ZNF391: variants seen among roughly 807,000 people sequenced by gnomAD.
ZNF391 encodes the protein zinc finger protein 391.
For synonymous variants in ZNF391, 126 were observed against 142.1 expected (o/e 0.89, Z 0.80); for missense variants, 375 against 425.5 (o/e 0.88, Z 1.04).
intron 1 of ZNF391, among the ~76,000 whole-genome samples, chr6:27,379,056 T>G (rs1182511112): frequency 1.3e-5 from 2 of 152,242 alleles, no homozygotes; most frequent in African/African-American, 2.4e-5. Flanking sequence ...ATTTTGCAAA[T>G]GAAAACCAGC....
chr6:27,378,164 A>G (rs1346201337), intron 1 of ZNF391, among the ~76,000 whole-genome samples: 1 of 152,170 alleles, frequency 6.6e-6, no homozygotes, highest in Non-Finnish European at 1.5e-5. Flanking sequence ...GTTTTAACGA[A>G]TATATGTTCC....
intron 1 of ZNF391, chr6:27,395,233 G>A (rs1410183591): frequency 6.6e-6 from 1 of 152,166 alleles, no homozygotes; most frequent in African/African-American, 2.4e-5. Context: ...ATGTTGAATT[G>A]TAATCACCAA....
At chr6:27,380,460 C>T (rs1761481155) in intron 1 of ZNF391, among the ~76,000 whole-genome samples, 2 of 152,160 alleles carry the variant, frequency 1.3e-5, no homozygotes, top group Admixed American at 6.5e-5. Flanking sequence ...TGCAGACCTT[C>T]GCGGTGAGTT....
intron 1 of ZNF391, among the ~76,000 whole-genome samples, chr6:27,394,755 G>C (rs777044063): frequency 3.9e-5 from 6 of 152,212 alleles, no homozygotes; most frequent in Non-Finnish European, 8.8e-5. Flanking sequence ...GAGCAGCATG[G>C]GGCTGAACTC....
chr6:27,392,342 A>G (rs1037176046), intron 1 of ZNF391, among the ~76,000 whole-genome samples: 4 of 151,958 alleles, frequency 2.6e-5, no homozygotes, highest in East Asian at 1.9e-4. Flanking sequence ...TGCAACCTCT[A>G]CCTCCCAGGT....
At position 27,401,512 on chromosome 6, in the gene ZNF391, A is replaced by G. The variant is rs917435752; in HGVS notation, c.*65A>G. 6 of 1,228,462 alleles carry G rather than the reference A, an allele frequency of 4.9e-6. No individual in the cohort carries two copies. Among genetic ancestry groups the G allele is most frequent in the Non-Finnish European group, 5.6e-6 (5 of 886,540 alleles). 76.1% of individuals were successfully genotyped at this position (1,228,462 alleles called of 1,614,324 possible). A position where few individuals can be genotyped will look rare whatever the true frequency, so the allele number is the denominator to read the frequency against. ...ACCTAACCTCCCACCACTGAAATAT[A>G]TATATTTCAAGTATATATATACTTG... On this transcript the variant is annotated 3_prime_UTR_variant, in exon 3 of 3. Coordinates refer to ENST00000244576, the MANE Select transcript of ZNF391 (RefSeq NM_001076781.3).
chr6:27,379,953 T>A (rs765770551), intron 1 of ZNF391, among the ~76,000 whole-genome samples: 7 of 152,116 alleles, frequency 4.6e-5, no homozygotes, highest in Non-Finnish European at 1.0e-4. Flanking sequence ...CTGAGAAAGG[T>A]GTGAAGTTCC....
In ZNF391 at chr6:27,401,379, G is replaced by C. The variant is rs1186592163; in HGVS notation, c.1009G>C (p.Asp337His). The change falls in exon 3 of 3, where the codon GAC (aspartate) becomes CAC (histidine). Residue 337 changes from aspartate to histidine, a missense_variant. By Grantham distance (81) the Asp-to-His change is moderately conservative. Transcript: ENST00000244576. ...CGGGGAGAAGCCGTACAAATGTAAT[G>C]ACTGTGGAAAAGCCTTCTGTCAGAG... Reference protein sequence around the residue: ...HTGEKPYKCNDCGKAFCQSST... With the variant: ...HTGEKPYKCNHCGKAFCQSST... 6.2e-6 allele frequency: 10 copies of C among 1,613,614 alleles called. No individual in the cohort carries two copies. The highest frequency in any genetic ancestry group is 1.6e-4 in the Middle Eastern group (1 of 6,076).
chr6:27,380,039 AC>A (rs1761473774), intron 1 of ZNF391, among the ~76,000 whole-genome samples: 3 of 152,218 alleles, frequency 2.0e-5, no homozygotes, highest in Admixed American at 2.0e-4. Flanking sequence ...CTTCCCCTAT[AC>A]CTTGATACCA....
At chr6:27,395,024 G>C (rs1192805754) in intron 1 of ZNF391, 1 of 152,122 alleles carries the variant, frequency 6.6e-6, no homozygotes, top group Admixed American at 6.5e-5. Flanking sequence ...CAGGTTCATA[G>C]GTGGAAGAAA....
At chr6:27,378,430 A>T (rs1251204950) in intron 1 of ZNF391, among the ~76,000 whole-genome samples, 2 of 148,820 alleles carry the variant, frequency 1.3e-5, no homozygotes, top group Non-Finnish European at 1.5e-5. Context: ...TCAAAGGGGG[A>T]TTGTTCTCTG....
chr6:27,387,077 A>G (rs1761594916), upstream of ZNF391, among the ~76,000 whole-genome samples: 1 of 152,192 alleles, frequency 6.6e-6, no homozygotes, highest in Admixed American at 6.5e-5. Flanking sequence ...AAGACACACA[A>G]ATAAGTACAT....
At position 27,376,065 on chromosome 6, in the gene ZNF391, A is replaced by G. The variant is rs898649066; in HGVS notation, n.523+928A>G. On this transcript the variant is annotated intron_variant and non_coding_transcript_variant, in intron 1 of 2. Transcript: ENST00000477999. This position sits in a 1 kb window ranked among gnomAD's most constrained non-coding sequence, Gnocchi z 4.7. ...AGAAGATATTTCCTGCTATACCTGA[A>G]GTGTGAAACAGTTGTATGTTTCCTG... Among the ~76,000 whole-genome samples, 1 of 152,186 alleles carries G rather than the reference A, an allele frequency of 6.6e-6. No individual in the cohort carries two copies. Among genetic ancestry groups the G allele is most frequent in the African/African-American group, 2.4e-5 (1 of 41,438 alleles).
At chr6:27,389,206 G>T in intron 1 of ZNF391, 131 bp downstream of exon 1, 1 of 456,670 alleles carries the variant, frequency 2.2e-6, no homozygotes, top group Non-Finnish European at 4.4e-6. Flanking sequence ...CGCGTGGCGT[G>T]GGGTCATGAA....
chr6:27,394,746 A>G (rs529147472), intron 1 of ZNF391, among the ~76,000 whole-genome samples: 1 of 152,340 alleles, frequency 6.6e-6, no homozygotes, highest in East Asian at 1.9e-4. Context: ...AACCTGGGAG[A>G]GCAGCATGGG....
At chr6:27,389,230 G>A in intron 1 of ZNF391, 155 bp downstream of exon 1, 1 of 456,648 alleles carries the variant, frequency 2.2e-6, no homozygotes, top group Non-Finnish European at 4.4e-6. Flanking sequence ...CCCAGCGCTC[G>A]TCTCACTGGC....
At chr6:27,391,202 T>TTTC (rs1761705079) in intron 1 of ZNF391, 2 of 16,878 alleles carry the variant, frequency 1.2e-4, no homozygotes, top group Non-Finnish European at 3.3e-4. Context: ...TTCATTGTAC[T>TTTC]TTTTTTTTTT....
upstream of ZNF391, among the ~76,000 whole-genome samples, chr6:27,386,169 T>C (rs1306094511): frequency 2.0e-5 from 3 of 152,120 alleles, no homozygotes; most frequent in South Asian, 2.1e-4. Flanking sequence ...ATATACATAT[T>C]AGAAATAGCA....
chr6:27,384,261 C>T (rs2393930), upstream of ZNF391, among the ~76,000 whole-genome samples: 106,665 of 151,426 alleles, frequency 0.7, 37,788 homozygotes, highest in Middle Eastern at 0.8. Context: ...GCCAGGAGTT[C>T]GAGACCAGCC....
Sources: allele counts gnomAD v4.1 joint callset (sites outside exome capture counted in the v4.1 genomes callset), GRCh38; gene constraint gnomAD v4.1.1; non-coding constraint Gnocchi (gnomAD v3.1); transcripts MANE v1.5; gene names NCBI Gene and HGNC (gene_info 2026-07-23, HGNC 2026-07-21).